Variants in ADAMTSL1 observed in about 807,000 individuals in gnomAD.
ADAMTSL1 encodes the protein ADAMTS like 1, also known as ADAMTS-like protein 1.
ADAMTSL1 carries 126 observed loss-of-function variants against 201.8 expected under a neutral mutation model. The ratio of observed to expected loss-of-function variants is 0.62; its 90% CI spans 0.54 to 0.72. The LOEUF is 0.72. Ranked by LOEUF, ADAMTSL1 falls within the 30% of genes least tolerant of loss-of-function variation. The pLI, the probability that ADAMTSL1 is intolerant of heterozygous loss-of-function variation, is 0.00. For missense variants in ADAMTSL1, 2,679 were observed against 2,277.8 expected (o/e 1.18, Z -3.59); for synonymous variants, 1,121 against 903.4 (o/e 1.24, Z -4.32).
intron 3 of ADAMTSL1, among the ~76,000 whole-genome samples, chr9:18,550,636 T>G (rs1820743639): frequency 6.6e-6 from 1 of 151,902 alleles, no homozygotes; most frequent in Non-Finnish European, 1.5e-5. Flanking sequence ...TTCCAATGCC[T>G]TGATTTTGGC....
intron 3 of ADAMTSL1, among the ~76,000 whole-genome samples, chr9:18,548,516 G>C (rs10810987): frequency 0.27 from 40,551 of 151,878 alleles, 5,841 homozygotes; most frequent in East Asian, 0.61. Flanking sequence ...TCATGTTAAT[G>C]AATCAACAAT....
At chr9:18,635,895 T>G in intron 5 of ADAMTSL1, 48 bp from the exon 6 acceptor site, 1 of 1,522,826 alleles carries the variant, frequency 6.6e-7, no homozygotes, top group Non-Finnish European at 9.0e-7. Flanking sequence ...AATCAATAAT[T>G]TTGTGTCAAG....
intron 1 of ADAMTSL1, among the ~76,000 whole-genome samples, chr9:18,052,510 G>A (rs946301139): frequency 6.6e-6 from 1 of 152,186 alleles, no homozygotes; most frequent in African/African-American, 2.4e-5. Context: ...CTGCTATTAA[G>A]AGATTTGGGG....
chr9:18,224,148 G>A (rs1024781988), intron 2 of ADAMTSL1, among the ~76,000 whole-genome samples: 3 of 152,058 alleles, frequency 2.0e-5, no homozygotes, highest in African/African-American at 7.2e-5. Flanking sequence ...CATGGTCTTG[G>A]TCCCTTTGTG....
chr9:18,440,529 A>G (rs897209830), intron 2 of ADAMTSL1, among the ~76,000 whole-genome samples: 29 of 151,856 alleles, frequency 1.9e-4, no homozygotes, highest in African/African-American at 7.0e-4. Context: ...TATGAAAAGT[A>G]TTTTAGGTTA....
intron 4 of ADAMTSL1, among the ~76,000 whole-genome samples, chr9:18,576,625 T>G (rs1449081159): frequency 6.6e-6 from 1 of 152,182 alleles, no homozygotes; most frequent in Admixed American, 6.5e-5. Context: ...AAGAGGAAAC[T>G]GAGACCTGGA....
chr9:18,044,553 T>C (rs1035510663), intron 1 of ADAMTSL1, among the ~76,000 whole-genome samples: 5 of 152,102 alleles, frequency 3.3e-5, no homozygotes, highest in African/African-American at 1.2e-4. Flanking sequence ...TGGATTGGCT[T>C]TTTATTTCTC....
chr9:18,549,515 C>T (rs990619305), intron 3 of ADAMTSL1, among the ~76,000 whole-genome samples: 20 of 152,046 alleles, frequency 1.3e-4, no homozygotes, highest in East Asian at 1.2e-3. Context: ...AAAAGCAAAA[C>T]AATGGTGATC....
intron 3 of ADAMTSL1, among the ~76,000 whole-genome samples, chr9:18,552,413 T>G (rs1346193943): frequency 6.6e-6 from 1 of 151,880 alleles, no homozygotes; most frequent in African/African-American, 2.4e-5. Context: ...TCGCTAACAA[T>G]TGCATTATGA....
intron 1 of ADAMTSL1, among the ~76,000 whole-genome samples, chr9:18,132,358 A>G (rs898341374): frequency 6.6e-6 from 1 of 152,134 alleles, no homozygotes; most frequent in African/African-American, 2.4e-5. Flanking sequence ...CGTTAAGTAC[A>G]TTCACATTGT....
chr9:18,674,650 T>C (rs1439303695), intron 9 of ADAMTSL1, among the ~76,000 whole-genome samples: 1 of 152,030 alleles, frequency 6.6e-6, no homozygotes, highest in Non-Finnish European at 1.5e-5. Flanking sequence ...TATTAAAATA[T>C]AAAGATCAAC....
At chr9:18,573,690 GA>G (rs1714567992) in intron 3 of ADAMTSL1, among the ~76,000 whole-genome samples, 1 of 152,104 alleles carries the variant, frequency 6.6e-6, no homozygotes, top group African/African-American at 2.4e-5. Flanking sequence ...TACTTATGAG[GA>G]AGTCAAAATG....
chr9:18,102,411 C>T (rs1416256437), intron 1 of ADAMTSL1, among the ~76,000 whole-genome samples: 2 of 152,094 alleles, frequency 1.3e-5, no homozygotes, highest in Non-Finnish European at 2.9e-5. Flanking sequence ...ATGTCAAGGT[C>T]TTATCTTATG....
At chr9:18,143,587 T>A (rs1420934632) in intron 1 of ADAMTSL1, among the ~76,000 whole-genome samples, 1 of 152,090 alleles carries the variant, frequency 6.6e-6, no homozygotes, top group Non-Finnish European at 1.5e-5. Context: ...ATGGGTCAAG[T>A]GTAGGCGTGT....
intron 23 of ADAMTSL1, among the ~76,000 whole-genome samples, chr9:18,830,878 T>G (rs760667446): frequency 1.3e-5 from 2 of 152,210 alleles, no homozygotes; most frequent in Non-Finnish European, 2.9e-5. Flanking sequence ...GGGGAAAATC[T>G]TCATACTAAG....
chr9:18,735,748 C>CTTTTCTTTTCTTT (rs762386875), intron 15 of ADAMTSL1, among the ~76,000 whole-genome samples: 34 of 106,682 alleles, frequency 3.2e-4, no homozygotes, highest in African/African-American at 4.3e-4. Context: ...ATTCTTTTTT[C>CTTTTCTTTTCTTT]TTTTTTTTTT....
At chr9:18,246,067 G>T (rs1171042540) in intron 2 of ADAMTSL1, among the ~76,000 whole-genome samples, 1 of 152,064 alleles carries the variant, frequency 6.6e-6, no homozygotes, top group Non-Finnish European at 1.5e-5. Context: ...GTAAATTACA[G>T]ACACAGATTA....
intron 1 of ADAMTSL1, among the ~76,000 whole-genome samples, chr9:17,992,388 C>T (rs1482016929): frequency 6.6e-6 from 1 of 152,160 alleles, no homozygotes; most frequent in Non-Finnish European, 1.5e-5. Flanking sequence ...CATTGGTTAA[C>T]TTTAGCTATC....
chr9:18,446,097 C>A (rs933953259), intron 2 of ADAMTSL1, among the ~76,000 whole-genome samples: 2 of 152,040 alleles, frequency 1.3e-5, no homozygotes, highest in African/African-American at 2.4e-5. Context: ...CTGTATTGAA[C>A]AACATTTACA....
Sources: gnomAD v4.1 joint callset for allele counts (sites outside exome capture counted in the v4.1 genomes callset) on GRCh38, gnomAD v4.1.1 for gene constraint, MANE v1.5 for transcripts, NCBI Gene and HGNC (gene_info 2026-07-23, HGNC 2026-07-21) for gene names.